The following DLGAP2 variants were observed in gnomAD, a reference collection of about 807,000 sequenced individuals.
DLGAP2 encodes the protein DLG associated protein 2.
In DLGAP2, 26 loss-of-function variants were observed where a neutral mutation model predicts 100.3. The ratio of observed to expected loss-of-function variants is 0.26; its 90% CI spans 0.19 to 0.36. The LOEUF is 0.36. Among genes scored for constraint, DLGAP2 ranks in the 10% least tolerant of loss-of-function variants. The probability of loss-of-function intolerance (pLI) is 1.00; values close to 1 mark genes in which losing one functional copy is unlikely to be tolerated. For synonymous variants in DLGAP2, 886 were observed against 630.1 expected (o/e 1.41, Z -6.08); for missense variants, 1,858 against 1,453.2 (o/e 1.28, Z -4.53).
At chr8:1,062,452 T>G (rs1411972346) in intron 2 of DLGAP2, among the ~76,000 whole-genome samples, 2 of 152,170 alleles carry the variant, frequency 1.3e-5, no homozygotes, top group Non-Finnish European at 2.9e-5. Flanking sequence ...GCTCGGCGTT[T>G]GGATGCTGCA....
intron 8 of DLGAP2, among the ~76,000 whole-genome samples, chr8:1,638,684 G>T (rs889615078): frequency 6.6e-6 from 1 of 152,268 alleles, no homozygotes; most frequent in African/African-American, 2.4e-5. Context: ...GAGCCGTGAA[G>T]AGGCTTTTAA....
chr8:1,480,218 T>C (rs1041567997), intron 3 of DLGAP2, among the ~76,000 whole-genome samples: 1 of 152,088 alleles, frequency 6.6e-6, no homozygotes, highest in South Asian at 2.1e-4. Context: ...AACGTGGGGC[T>C]AGATGTAGGT....
At chr8:1,241,136 G>GT (rs1798783907) in intron 2 of DLGAP2, among the ~76,000 whole-genome samples, 1 of 126,812 alleles carries the variant, frequency 7.9e-6, no homozygotes, top group African/African-American at 2.9e-5. Flanking sequence ...GCCGTGTCTA[G>GT]TTCTCTCACG....
At chr8:749,982 A>G (rs1820750120) in intron 1 of DLGAP2, among the ~76,000 whole-genome samples, 1 of 151,848 alleles carries the variant, frequency 6.6e-6, no homozygotes, top group Admixed American at 6.6e-5. Context: ...CCTTCCATCC[A>G]TCTCAGATCT....
chr8:903,843 C>A (rs191153253), intron 1 of DLGAP2, among the ~76,000 whole-genome samples: 1 of 152,174 alleles, frequency 6.6e-6, no homozygotes, highest in African/African-American at 2.4e-5. Flanking sequence ...TTACGGTGCT[C>A]GTTATGCAGC....
chr8:1,299,236 A>ATGCCAGT (rs1189497613), intron 3 of DLGAP2, among the ~76,000 whole-genome samples: 1 of 152,176 alleles, frequency 6.6e-6, no homozygotes. Flanking sequence ...TCCGCCATAG[A>ATGCCAGT]TGCCAGTCCT....
intron 4 of DLGAP2, among the ~76,000 whole-genome samples, chr8:1,514,307 G>A (rs1255617546): frequency 6.6e-6 from 1 of 152,240 alleles, no homozygotes; most frequent in African/African-American, 2.4e-5. Context: ...CCCGCATCCT[G>A]CGAAGCGAAG....
At chr8:1,365,664 G>A (rs749161371) in intron 3 of DLGAP2, among the ~76,000 whole-genome samples, 2 of 152,150 alleles carry the variant, frequency 1.3e-5, no homozygotes, top group African/African-American at 2.4e-5. Context: ...CAAGTGTGCC[G>A]AGCCAAGCAA....
intron 2 of DLGAP2, among the ~76,000 whole-genome samples, chr8:1,201,843 G>A (rs1026520843): frequency 4.6e-5 from 7 of 151,888 alleles, no homozygotes; most frequent in African/African-American, 1.7e-4. Flanking sequence ...GTGTACACAT[G>A]TGTGTATGTG....
At chr8:960,424 G>T (rs1028814654) in intron 2 of DLGAP2, among the ~76,000 whole-genome samples, 2 of 151,530 alleles carry the variant, frequency 1.3e-5, no homozygotes, top group South Asian at 4.2e-4. Context: ...TAGAGACGGA[G>T]TTTCACCACA....
chr8:1,641,762 T>A (rs1468407262), intron 8 of DLGAP2, among the ~76,000 whole-genome samples: 3 of 152,152 alleles, frequency 2.0e-5, no homozygotes, highest in Non-Finnish European at 4.4e-5. Flanking sequence ...AAGTAATGGC[T>A]GAAATAAATA....
chr8:1,081,734 T>C (rs913920050), intron 2 of DLGAP2, among the ~76,000 whole-genome samples: 2 of 152,198 alleles, frequency 1.3e-5, no homozygotes, highest in Non-Finnish European at 2.9e-5. Context: ...GTCTTTCCTA[T>C]AGGCAGGGCA....
chr8:857,178 G>T (rs1409891423), intron 1 of DLGAP2, among the ~76,000 whole-genome samples: 3 of 152,186 alleles, frequency 2.0e-5, no homozygotes, highest in African/African-American at 4.8e-5. Context: ...GCAACAAAAT[G>T]AACCCAGAAC....
At chr8:1,508,774 G>C (rs549106753) in intron 4 of DLGAP2, among the ~76,000 whole-genome samples, 1 of 151,464 alleles carries the variant, frequency 6.6e-6, no homozygotes, top group Non-Finnish European at 1.5e-5. Flanking sequence ...TAAAAACACC[G>C]AGCAGGCAAA....
intron 1 of DLGAP2, among the ~76,000 whole-genome samples, chr8:785,926 G>C (rs548941448): frequency 1.3e-5 from 2 of 152,282 alleles, no homozygotes; most frequent in Admixed American, 1.3e-4. Flanking sequence ...GTGCTGCAGA[G>C]ACCGAATGAA....
chr8:1,629,475 T>G (rs1030458584), intron 7 of DLGAP2, among the ~76,000 whole-genome samples: 5 of 152,190 alleles, frequency 3.3e-5, no homozygotes, highest in Non-Finnish European at 7.3e-5. Flanking sequence ...AACTAGATAA[T>G]TGTAATTATT....
intron 2 of DLGAP2, among the ~76,000 whole-genome samples, chr8:963,971 A>G (rs2083910956): frequency 6.6e-6 from 1 of 152,230 alleles, no homozygotes; most frequent in Non-Finnish European, 1.5e-5. Flanking sequence ...ACTTATTAAA[A>G]TTCAACTTAG....
Position 868,551 on chromosome 8 carries a change from G to A in DLGAP2, c.19-39361G>A, listed in dbSNP as rs530496721. ...GTCTCAAGTGACCGGAGACGGTGATGTGTCACTAATCCAGAAAAAGTGTCC... is the reference window on the plus strand; with the variant it reads ...GTCTCAAGTGACCGGAGACGGTGATATGTCACTAATCCAGAAAAAGTGTCC... On this transcript the variant is annotated intron_variant, in intron 1 of 14. Coordinates refer to ENST00000637795, the MANE Select transcript of DLGAP2 (RefSeq NM_001346810.2). Among the ~76,000 whole-genome samples, 4 of 152,344 alleles carry A rather than the reference G, an allele frequency of 2.6e-5. No individual in the cohort carries two copies. In the South Asian group the frequency reaches 6.2e-4, roughly 24 times the overall value.
chr8:1,501,260 G>C, intron 3 of DLGAP2, 106 bp from the exon 4 acceptor site: 1 of 1,200,656 alleles, frequency 8.3e-7, no homozygotes, highest in South Asian at 1.3e-5. Context: ...AAAGGTGTCT[G>C]TCATGTTTGA....
Sources: gnomAD v4.1 joint callset for allele counts (sites outside exome capture counted in the v4.1 genomes callset) on GRCh38, gnomAD v4.1.1 for gene constraint, MANE v1.5 for transcripts, NCBI Gene and HGNC (gene_info 2026-07-23, HGNC 2026-07-21) for gene names.